RPL31: variants seen among roughly 807,000 people sequenced by gnomAD.
RPL31 encodes ribosomal protein L31.
For missense variants in RPL31, 95 were observed against 164.0 expected, an observed-to-expected ratio of 0.58 and a Z score of 2.30; for synonymous variants, 51 against 55.0, an observed-to-expected ratio of 0.93 and a Z score of 0.32.
chr2:101,010,963 T>G (rs766077739), downstream of RPL31: 3 of 1,613,116 alleles, frequency 1.9e-6, no homozygotes, highest in African/African-American at 2.7e-5. Context: ...CTCAGTTTTA[T>G]CTTTTTCTTT....
At chr2:101,008,199 T>C, downstream of RPL31, 3 of 1,610,752 alleles carry the variant, frequency 1.9e-6, no homozygotes, top group Non-Finnish European at 2.5e-6. Flanking sequence ...TGGCGATGGC[T>C]TGATACAAAT....
At position 101,004,286 on chromosome 2, in the gene RPL31, G is replaced by A. The variant is rs746386933; in HGVS notation, c.233+3G>A. ...GCTGTCTGGGCCAAAGGAATAAGGT[G>A]CTAAAGTTATCTGTATTCGAAGGTG... On this transcript the variant is annotated splice_donor_region_variant and intron_variant, in intron 3 of 4. Coordinates refer to ENST00000264258, the MANE Select transcript of RPL31 (RefSeq NM_000993.5). The A allele has an allele frequency of 2.0e-5, 33 of 1,613,732 alleles. No homozygotes were observed. In the South Asian group the frequency reaches 2.6e-4, roughly 13 times the overall value.
chr2:101,003,202 T>G (rs776692335), intron 2 of RPL31, among the ~76,000 whole-genome samples: 1 of 152,232 alleles, frequency 6.6e-6, no homozygotes, highest in Non-Finnish European at 1.5e-5. Flanking sequence ...TGTTTCAAAG[T>G]AGCTACTTTG....
downstream of RPL31, chr2:101,011,053 GT>G: frequency 6.3e-7 from 1 of 1,598,840 alleles, no homozygotes. Context: ...ACAATATGTG[GT>G]TTAATTTAAA....
At chr2:101,007,319 T>G (rs1384442687), downstream of RPL31, 1 of 153,670 alleles carries the variant, frequency 6.5e-6, no homozygotes, top group East Asian at 1.9e-4. Context: ...ACATATAAAG[T>G]GAATACAACC....
chr2:101,005,757 C>A, intron 3 of RPL31: 1 of 578,328 alleles, frequency 1.7e-6, no homozygotes, highest in Non-Finnish European at 3.0e-6. Flanking sequence ...TGTCTTCAAA[C>A]AAGCATCCCT....
At chr2:101,003,670 C>T (rs138871374) in intron 2 of RPL31, among the ~76,000 whole-genome samples, 306 of 152,270 alleles carry the variant, frequency 2.0e-3, no homozygotes, top group African/African-American at 6.9e-3. Context: ...GGGTTCATAG[C>T]GCTAACTACT....
At chr2:101,003,713 GCA>G (rs1678623031) in intron 2 of RPL31, among the ~76,000 whole-genome samples, 1 of 152,224 alleles carries the variant, frequency 6.6e-6, no homozygotes, top group Non-Finnish European at 1.5e-5. Flanking sequence ...CGACCTGCCT[GCA>G]CACTTCAGGC....
rs1442113497 is a variant in RPL31, at chr2:101,019,229, C to T, written c.*191C>T. ...CTGATGTCTTCTGCCCTTGCCTCTT[C>T]GACAGGCAAGTAATAAGACTTAAGT... On this transcript the variant is annotated 3_prime_UTR_variant, in exon 5 of 5. Coordinates refer to the RPL31 transcript ENST00000409028. The T allele has an allele frequency of 1.3e-4, 67 of 535,066 alleles. No individual in the cohort carries two copies. The East Asian group carries it at 2.0e-3, about 16-fold the overall frequency. The allele number at this position is 535,066 out of a possible 1,614,324, so 33.1% of individuals were successfully genotyped here. A position where few individuals can be genotyped will look rare whatever the true frequency, so the allele number is the denominator to read the frequency against.
intron 4 of RPL31, among the ~76,000 whole-genome samples, chr2:101,016,891 A>G (rs937431292): frequency 4.0e-5 from 6 of 151,476 alleles, no homozygotes; most frequent in Admixed American, 3.3e-4. Context: ...ACATGGACAC[A>G]TGAAGGGGAA....
downstream of RPL31, chr2:101,008,324 A>T (rs951850394): frequency 8.8e-5 from 104 of 1,188,164 alleles, no homozygotes; most frequent in Non-Finnish European, 1.0e-4. Context: ...TGGAAGTGTC[A>T]TTTTTTTTTT....
chr2:101,014,985 G>A (rs187837402), intron 4 of RPL31, among the ~76,000 whole-genome samples: 1 of 140,416 alleles, frequency 7.1e-6, no homozygotes, highest in Non-Finnish European at 1.6e-5. Context: ...ATAGAGTCAT[G>A]TGTCAATGAG....
At chr2:101,009,387 CAG>C (rs1245722379), downstream of RPL31, among the ~76,000 whole-genome samples, 1 of 136,898 alleles carries the variant, frequency 7.3e-6, no homozygotes, top group Non-Finnish European at 1.5e-5. Flanking sequence ...GCCTGGGCGA[CAG>C]AGTGAGACTC....
chr2:101,007,610 C>T (rs373122674), downstream of RPL31: 1 of 559,744 alleles, frequency 1.8e-6, no homozygotes. Flanking sequence ...ATCAAGGGAA[C>T]CAATGGATAC....
chr2:101,004,405 A>T, intron 3 of RPL31, 122 bp downstream of exon 3: 1 of 1,047,468 alleles, frequency 9.5e-7, no homozygotes, highest in African/African-American at 1.6e-5. Context: ...AAAAAAAAAA[A>T]ATACTGTGAC....
chr2:101,017,416 G>A (rs1573870338), intron 4 of RPL31, among the ~76,000 whole-genome samples: 1 of 152,288 alleles, frequency 6.6e-6, no homozygotes, highest in East Asian at 1.9e-4. Flanking sequence ...AACGGCAATA[G>A]AGTTGTTTAC....
intron 3 of RPL31, chr2:101,005,049 C>G (rs1225920070): frequency 6.6e-6 from 1 of 152,284 alleles, no homozygotes; most frequent in Non-Finnish European, 1.5e-5. Flanking sequence ...AGACAGGGAC[C>G]TGAGACCTAG....
intron 4 of RPL31, among the ~76,000 whole-genome samples, chr2:101,012,421 G>A (rs908445832): frequency 6.6e-6 from 1 of 152,208 alleles, no homozygotes; most frequent in Non-Finnish European, 1.5e-5. Context: ...AAAACATCAT[G>A]CTAGGTGAGA....
intron 4 of RPL31, among the ~76,000 whole-genome samples, chr2:101,013,773 T>C (rs1284009023): frequency 6.6e-6 from 1 of 152,252 alleles, no homozygotes; most frequent in Non-Finnish European, 1.5e-5. Flanking sequence ...TTCTCTGTAG[T>C]AGAATTCACA....
Sources: gnomAD v4.1 joint callset for allele counts (sites outside exome capture counted in the v4.1 genomes callset) on GRCh38, gnomAD v4.1.1 for gene constraint, MANE v1.5 for transcripts, NCBI Gene and HGNC (gene_info 2026-07-23, HGNC 2026-07-21) for gene names.